Variants in TATDN1 observed in about 807,000 individuals in gnomAD.
TATDN1 encodes the protein deoxyribonuclease TATDN1.
In TATDN1, 40 loss-of-function variants were observed where a neutral mutation model predicts 46.4. The ratio of observed to expected loss-of-function variants is 0.86; its 90% CI spans 0.67 to 1.12. The LOEUF (loss-of-function observed/expected upper bound fraction) is 1.12, where lower values mean the gene tolerates loss of function less well. TATDN1 is among the 50% of genes most tolerant of loss of function. TATDN1 has a pLI of 0.00. For synonymous variants in TATDN1, 95 were observed against 105.6 expected (o/e 0.90, Z 0.62); for missense variants, 326 against 348.4 (o/e 0.94, Z 0.51).
At chr8:124,504,997 C>T (rs999767101) in intron 8 of TATDN1, among the ~76,000 whole-genome samples, 1 of 150,164 alleles carries the variant, frequency 6.7e-6, no homozygotes, top group Non-Finnish European at 1.5e-5. Context: ...TCAGGTGATT[C>T]GCCCGCCTCG....
At position 124,493,830 on chromosome 8, in the gene TATDN1, C is replaced by G; in HGVS notation, c.791+3G>C. Reference sequence around the variant, plus strand: ...TTGAAGACCATGAAAGCAAAATACTCACATTATATGGCAGGGTTCATTTCT... The same window carrying G: ...TTGAAGACCATGAAAGCAAAATACTGACATTATATGGCAGGGTTCATTTCT... On this transcript the variant is annotated splice_donor_region_variant and intron_variant, in intron 11 of 11. Transcript: ENST00000276692. The G allele has an allele frequency of 6.3e-7, 1 of 1,592,802 alleles. No individual in the cohort carries two copies. Among genetic ancestry groups the G allele is most frequent in the South Asian group, 1.2e-5 (1 of 86,738 alleles).
chr8:124,501,021 G>A (rs1817918791), intron 9 of TATDN1, among the ~76,000 whole-genome samples: 2 of 152,128 alleles, frequency 1.3e-5, no homozygotes, highest in Admixed American at 6.5e-5. Flanking sequence ...AAGAGAAGAT[G>A]GGGTTCCTAG....
intron 9 of TATDN1, chr8:124,504,060 A>G (rs1212179335): frequency 2.5e-6 from 2 of 816,318 alleles, no homozygotes; most frequent in Non-Finnish European, 3.7e-6. Context: ...ATTAGAACAT[A>G]ATGTAGTAGT....
At chr8:124,536,621 A>G (rs1821449345) in intron 1 of TATDN1, among the ~76,000 whole-genome samples, 1 of 152,222 alleles carries the variant, frequency 6.6e-6, no homozygotes, top group African/African-American at 2.4e-5. Flanking sequence ...AAAGAGAGAA[A>G]TGTAGAAAGA....
intron 11 of TATDN1, among the ~76,000 whole-genome samples, chr8:124,490,751 T>C (rs1031017534): frequency 6.7e-4 from 85 of 127,220 alleles, no homozygotes; most frequent in Middle Eastern, 4.1e-3. Flanking sequence ...AGCACAGGTT[T>C]TTGTTTTTTT....
In TATDN1 at chr8:124,493,912, T is replaced by C. The variant is rs1437324913; in HGVS notation, c.712A>G (p.Ile238Val). 5.6e-6 allele frequency: 9 copies of C among 1,612,804 alleles called. No individual in the cohort carries two copies. Among genetic ancestry groups the C allele is most frequent in the East Asian group, 2.2e-5 (1 of 44,812 alleles). ...VKSTHAGSKY[I>V]RTAFPTKKKW... Reference sequence around the variant, plus strand: ...TTTTTGGTAGGAAATGCAGTTCTTATATATTTTGATCCAGCATGTGTACTT... The same window carrying C: ...TTTTTGGTAGGAAATGCAGTTCTTACATATTTTGATCCAGCATGTGTACTT... Residue 238 changes from isoleucine (I) to valine (V), a missense_variant, in exon 11 of 12, where the codon ATA becomes GTA. By Grantham distance (29) the Ile-to-Val change is conservative. Transcript: ENST00000276692.
intron 11 of TATDN1, chr8:124,491,252 G>C (rs1270255427): frequency 6.6e-6 from 1 of 152,116 alleles, no homozygotes; most frequent in African/African-American, 2.4e-5. Context: ...TGGCATATAA[G>C]AGCCCTCACA....
chr8:124,512,548 C>G (rs190191394), intron 6 of TATDN1, among the ~76,000 whole-genome samples: 1 of 152,324 alleles, frequency 6.6e-6, no homozygotes, highest in East Asian at 1.9e-4. Flanking sequence ...GAATTATAGG[C>G]TTTTTATCCA....
At chr8:124,493,996 C>A in intron 10 of TATDN1, 37 bp from the exon 11 acceptor site, 1 of 1,544,716 alleles carries the variant, frequency 6.5e-7, no homozygotes, top group East Asian at 2.3e-5. Context: ...AAGGGGTTTA[C>A]ATTTTTAAAA....
At chr8:124,520,057 T>C (rs770257805) in intron 3 of TATDN1, among the ~76,000 whole-genome samples, 1 of 152,278 alleles carries the variant, frequency 6.6e-6, no homozygotes, top group Admixed American at 6.5e-5. Context: ...TATTTTCATA[T>C]AGCTATTTAA....
chr8:124,513,440 C>T (rs903794749), intron 6 of TATDN1, among the ~76,000 whole-genome samples: 2 of 152,124 alleles, frequency 1.3e-5, no homozygotes, highest in Non-Finnish European at 2.9e-5. Context: ...TTATTTATGT[C>T]CTCTCTTGGA....
At chr8:124,531,695 TGGTTAA>T (rs1312921775) in intron 1 of TATDN1, among the ~76,000 whole-genome samples, 1 of 152,026 alleles carries the variant, frequency 6.6e-6, no homozygotes, top group African/African-American at 2.4e-5. Flanking sequence ...AGTTGTCACA[TGGTTAA>T]GGGACCCTAG....
At chr8:124,523,967 AG>A (rs1191469177) in intron 1 of TATDN1, among the ~76,000 whole-genome samples, 2 of 152,212 alleles carry the variant, frequency 1.3e-5, no homozygotes, top group African/African-American at 4.8e-5. Context: ...GTCACAGGCA[AG>A]AAAAAAAAAT....
At chr8:124,517,030 G>A (rs970945058) in intron 4 of TATDN1, among the ~76,000 whole-genome samples, 1 of 152,202 alleles carries the variant, frequency 6.6e-6, no homozygotes, top group Non-Finnish European at 1.5e-5. Flanking sequence ...ATGGAGGTGG[G>A]AGAACTTTAA....
chr8:124,506,930 A>T (rs754527553), intron 8 of TATDN1, among the ~76,000 whole-genome samples: 1 of 152,062 alleles, frequency 6.6e-6, no homozygotes, highest in Non-Finnish European at 1.5e-5. Context: ...TGGGAGGCTG[A>T]TGGGGGGAGG....
intron 11 of TATDN1, chr8:124,490,370 CATG>C (rs1816868303): frequency 6.6e-6 from 1 of 152,056 alleles, no homozygotes; most frequent in Non-Finnish European, 1.5e-5. Flanking sequence ...ATTAGCCAGG[CATG>C]GTGGTGGACG....
chr8:124,514,855 G>A (rs1819323902), intron 6 of TATDN1, among the ~76,000 whole-genome samples: 1 of 152,190 alleles, frequency 6.6e-6, no homozygotes, highest in African/African-American at 2.4e-5. Context: ...CCTATTAAAG[G>A]AATCTCACAG....
Position 124,504,285 on chromosome 8 carries a change from T to C in TATDN1, c.579A>G (p.Ile193Met), listed in dbSNP as rs764137338. 1.2e-6 allele frequency: 2 copies of C among 1,605,900 alleles called. No individual in the cohort carries two copies. Among genetic ancestry groups the C allele is most frequent in the Non-Finnish European group, 1.7e-6 (2 of 1,176,836 alleles). Residue 193 changes from isoleucine to methionine, a missense_variant, in exon 9 of 12, where the codon ATA (isoleucine) becomes ATG (methionine). Physicochemically the swap from Ile to Met is conservative, Grantham distance 10. Coordinates refer to ENST00000276692, the MANE Select transcript of TATDN1 (RefSeq NM_032026.4). ...TAAGAACGTACCAACCATTAAATCC[T>C]ATATAAAGATCCAAGTCAATCAAAG... ...AAALIDLDLY[I>M]GFNGCSLKTE...
At chr8:124,513,481 A>G (rs190892061) in intron 6 of TATDN1, among the ~76,000 whole-genome samples, 292 of 152,250 alleles carry the variant, frequency 1.9e-3, no homozygotes, top group African/African-American at 6.7e-3. Flanking sequence ...TATCATGCTG[A>G]GGAGGCACTT....
Sources: gnomAD v4.1 joint callset for allele counts (sites outside exome capture counted in the v4.1 genomes callset) on GRCh38, gnomAD v4.1.1 for gene constraint, MANE v1.5 for transcripts, NCBI Gene and HGNC (gene_info 2026-07-23, HGNC 2026-07-21) for gene names.